Variants in ANTXR1 observed in about 807,000 individuals in gnomAD.
The protein encoded by ANTXR1 is ANTXR cell adhesion molecule 1.
Under a neutral mutation model 78.1 loss-of-function variants are expected in ANTXR1, and 19 were observed. The ratio of observed to expected loss-of-function variants is 0.24; its 90% CI spans 0.17 to 0.36. ANTXR1 has a LOEUF of 0.36. Ranked by LOEUF, ANTXR1 falls within the 10% of genes least tolerant of loss-of-function variation. ANTXR1 has a pLI of 1.00. For missense variants in ANTXR1, 518 were observed against 718.6 expected, an observed-to-expected ratio of 0.72 and a Z score of 3.19; for synonymous variants, 273 against 260.5, an observed-to-expected ratio of 1.05 and a Z score of -0.46.
At chr2:69,044,883 T>G in intron 3 of ANTXR1, 70 bp downstream of exon 3, 1 of 1,477,616 alleles carries the variant, frequency 6.8e-7, no homozygotes, top group Non-Finnish European at 9.5e-7. Context: ...ATTTGTGCTC[T>G]GGTGCCAGCC....
chr2:69,074,805 T>C (rs1002658703), intron 6 of ANTXR1, among the ~76,000 whole-genome samples: 2 of 152,252 alleles, frequency 1.3e-5, no homozygotes, highest in Non-Finnish European at 2.9e-5. Context: ...ACTCGCTCTA[T>C]GTTTGCTATC....
At chr2:69,130,158 C>G (rs930637803) in intron 12 of ANTXR1, among the ~76,000 whole-genome samples, 1 of 152,152 alleles carries the variant, frequency 6.6e-6, no homozygotes, top group Non-Finnish European at 1.5e-5. Context: ...TGTGGCAGTG[C>G]GGCCCAGTTG....
At chr2:69,029,041 A>ACCCC (rs58379246) in intron 1 of ANTXR1, among the ~76,000 whole-genome samples, 3 of 136,664 alleles carry the variant, frequency 2.2e-5, no homozygotes, top group African/African-American at 7.7e-5. Flanking sequence ...ACATGTTGAG[A>ACCCC]CCCCCCCCCC....
intron 17 of ANTXR1, among the ~76,000 whole-genome samples, chr2:69,237,871 T>C (rs1280367799): frequency 6.6e-6 from 1 of 152,224 alleles, no homozygotes; most frequent in Non-Finnish European, 1.5e-5. Flanking sequence ...TGTGTGTGTG[T>C]GCACACGTGT....
chr2:69,090,413 T>C (rs1451126695), intron 8 of ANTXR1, among the ~76,000 whole-genome samples: 2 of 152,038 alleles, frequency 1.3e-5, no homozygotes, highest in Non-Finnish European at 2.9e-5. Flanking sequence ...AGCTCTTCCA[T>C]GAAGCCTTTC....
intron 10 of ANTXR1, among the ~76,000 whole-genome samples, chr2:69,110,055 T>TTTCATATAACCAAGAAAATGC (rs1478541772): frequency 2.0e-5 from 3 of 152,088 alleles, no homozygotes; most frequent in Non-Finnish European, 1.5e-5. Context: ...ATAGAAAATG[T>TTTCATATAACCAAGAAAATGC]TTCATATAAC....
intron 1 of ANTXR1, among the ~76,000 whole-genome samples, chr2:69,039,320 A>G (rs75501518): frequency 0.055 from 8,317 of 152,240 alleles, 736 homozygotes; most frequent in African/African-American, 0.19. Context: ...AACTTGGGAA[A>G]TAAAGAAGCC....
At chr2:69,035,284 G>A (rs1018260183) in intron 1 of ANTXR1, among the ~76,000 whole-genome samples, 1 of 152,082 alleles carries the variant, frequency 6.6e-6, no homozygotes, top group Admixed American at 6.6e-5. Context: ...CTGCCACTGG[G>A]GCTTTGGGTT....
chr2:69,035,983 G>A (rs781464853), intron 1 of ANTXR1, among the ~76,000 whole-genome samples: 1 of 152,206 alleles, frequency 6.6e-6, no homozygotes, highest in Non-Finnish European at 1.5e-5. Flanking sequence ...CATGTTTTAA[G>A]AAAGCTGGAA....
intron 1 of ANTXR1, among the ~76,000 whole-genome samples, chr2:69,030,418 A>G (rs985607773): frequency 6.6e-6 from 1 of 152,228 alleles, no homozygotes; most frequent in African/African-American, 2.4e-5. Flanking sequence ...ACTTCCCACC[A>G]ACTTCTGAAT....
At chr2:69,041,743 G>A (rs1669622028) in intron 2 of ANTXR1, among the ~76,000 whole-genome samples, 1 of 152,152 alleles carries the variant, frequency 6.6e-6, no homozygotes, top group Non-Finnish European at 1.5e-5. Context: ...AGAAAATTGT[G>A]GGCAGGGGCA....
intron 8 of ANTXR1, among the ~76,000 whole-genome samples, chr2:69,081,064 T>A (rs12713670): frequency 0.012 from 1,772 of 152,084 alleles, 31 homozygotes; most frequent in African/African-American, 0.041. Context: ...AGAAGAAAAC[T>A]CACTATGACT....
chr2:69,117,929 G>A (rs1672204254), intron 10 of ANTXR1, among the ~76,000 whole-genome samples: 1 of 152,132 alleles, frequency 6.6e-6, no homozygotes, highest in South Asian at 2.1e-4. Flanking sequence ...TCCCAAGTCT[G>A]GGGCGTTTAG....
chr2:69,172,838 A>G (rs915427977), intron 14 of ANTXR1, among the ~76,000 whole-genome samples: 4 of 152,260 alleles, frequency 2.6e-5, no homozygotes, highest in Non-Finnish European at 5.9e-5. Flanking sequence ...GAAGAGCTCA[A>G]TAGAAGCAAG....
intron 5 of ANTXR1, among the ~76,000 whole-genome samples, 159 bp downstream of exon 5, chr2:69,071,946 G>A (rs541480254): frequency 6.6e-6 from 1 of 152,266 alleles, no homozygotes; most frequent in African/African-American, 2.4e-5. Context: ...TGCATAGAAA[G>A]GTGGCATGTA....
At chr2:69,118,474 T>C (rs1271707505) in intron 10 of ANTXR1, among the ~76,000 whole-genome samples, 2 of 152,128 alleles carry the variant, frequency 1.3e-5, no homozygotes, top group African/African-American at 2.4e-5. Context: ...AAAATTTTCA[T>C]TGAATGTCTG....
At chr2:69,065,154 A>G (rs1670358984) in intron 3 of ANTXR1, among the ~76,000 whole-genome samples, 1 of 152,152 alleles carries the variant, frequency 6.6e-6, no homozygotes, top group South Asian at 2.1e-4. Context: ...GGCTGGGAGC[A>G]GTGGCTCACG....
intron 12 of ANTXR1, among the ~76,000 whole-genome samples, chr2:69,146,598 C>T (rs549172262): frequency 1.4e-4 from 22 of 152,336 alleles, no homozygotes; most frequent in African/African-American, 4.8e-4. Context: ...GGTCAGCTTC[C>T]GCTGTCATCT....
chr2:69,176,094 TAC>T (rs149847661), intron 14 of ANTXR1, among the ~76,000 whole-genome samples: 6 of 145,556 alleles, frequency 4.1e-5, no homozygotes, highest in Admixed American at 6.9e-5. Context: ...CACACACACA[TAC>T]ACACACACAC....
Sources: gnomAD v4.1 joint callset for allele counts (sites outside exome capture counted in the v4.1 genomes callset) on GRCh38, gnomAD v4.1.1 for gene constraint, MANE v1.5 for transcripts, NCBI Gene and HGNC (gene_info 2026-07-23, HGNC 2026-07-21) for gene names.